NEO1: variants seen among roughly 807,000 people sequenced by gnomAD.
NEO1 encodes neogenin 1.
NEO1 carries 63 observed loss-of-function variants against 159.7 expected under a neutral mutation model. That is an observed-to-expected ratio of 0.39 (90% CI 0.32 to 0.49). The LOEUF is 0.49. Among genes scored for constraint, NEO1 ranks in the 20% least tolerant of loss-of-function variants. The pLI is 0.85. For missense variants in NEO1, 1,615 were observed against 1,831.0 expected (o/e 0.88, Z 2.15); for synonymous variants, 633 against 662.0 (o/e 0.96, Z 0.67).
At chr15:73,215,761 T>C (rs2037842470) in intron 7 of NEO1, among the ~76,000 whole-genome samples, 1 of 152,168 alleles carries the variant, frequency 6.6e-6, no homozygotes, top group Admixed American at 6.5e-5. Flanking sequence ...GTTATGTCCT[T>C]TCCTGGCTTT....
chr15:73,080,508 T>G (rs1021606371), intron 1 of NEO1, among the ~76,000 whole-genome samples: 4 of 146,978 alleles, frequency 2.7e-5, no homozygotes, highest in Non-Finnish European at 4.6e-5. Flanking sequence ...ATTTGCAAAA[T>G]TGAAAAATTT....
intron 9 of NEO1, 60 bp from the exon 10 acceptor site, chr15:73,249,000 T>C: frequency 1.9e-6 from 3 of 1,542,700 alleles, no homozygotes; most frequent in Non-Finnish European, 2.7e-6. Context: ...TTGCCAAGAA[T>C]GGTTATTGAG....
chr15:73,182,573 A>T (rs1346249306), intron 7 of NEO1, among the ~76,000 whole-genome samples: 1 of 152,154 alleles, frequency 6.6e-6, no homozygotes, highest in African/African-American at 2.4e-5. Flanking sequence ...TCACAGTTCC[A>T]CATGGCTGGG....
intron 2 of NEO1, among the ~76,000 whole-genome samples, chr15:73,119,704 A>C (rs1326970576): frequency 1.3e-5 from 2 of 152,258 alleles, no homozygotes; most frequent in African/African-American, 4.8e-5. Flanking sequence ...GTCAGTTACT[A>C]GTCCTCCATC....
chr15:73,224,725 A>T (rs1013943093), intron 7 of NEO1, among the ~76,000 whole-genome samples: 3 of 151,284 alleles, frequency 2.0e-5, no homozygotes, highest in African/African-American at 7.3e-5. Context: ...CATTTTTTGG[A>T]TTTCCTTGCA....
At chr15:73,159,621 A>G (rs937719224) in intron 5 of NEO1, among the ~76,000 whole-genome samples, 2 of 152,154 alleles carry the variant, frequency 1.3e-5, no homozygotes, top group African/African-American at 2.4e-5. Context: ...CCACTCCATC[A>G]TGACCTGGCA....
intron 1 of NEO1, among the ~76,000 whole-genome samples, chr15:73,069,414 C>CTTT (rs1173712054): frequency 6.9e-6 from 1 of 144,278 alleles, no homozygotes; most frequent in Non-Finnish European, 1.5e-5. Flanking sequence ...GGCCAAGAGA[C>CTTT]TTTTTTTTTT....
intron 1 of NEO1, among the ~76,000 whole-genome samples, chr15:73,074,151 G>A (rs141762116): frequency 3.1e-4 from 47 of 152,316 alleles, no homozygotes; most frequent in African/African-American, 1.1e-3. Context: ...GAGGACTCAA[G>A]TCATGTCTAA....
intron 12 of NEO1, 21 bp from the exon 13 acceptor site, chr15:73,254,661 C>G (rs746882464): frequency 2.5e-6 from 4 of 1,569,904 alleles, no homozygotes; most frequent in Non-Finnish European, 3.4e-6. Flanking sequence ...AGCCTTTTTT[C>G]TATAATTCTG....
At chr15:73,134,547 T>C (rs1476842641) in intron 4 of NEO1, among the ~76,000 whole-genome samples, 3 of 151,988 alleles carry the variant, frequency 2.0e-5, no homozygotes, top group Non-Finnish European at 2.9e-5. Flanking sequence ...TTTAATCCTA[T>C]AAGGAATTCT....
intron 9 of NEO1, among the ~76,000 whole-genome samples, chr15:73,246,787 C>T (rs1452746933): frequency 6.6e-6 from 1 of 152,208 alleles, no homozygotes; most frequent in Non-Finnish European, 1.5e-5. Flanking sequence ...TGGAAAGGAT[C>T]TGTAGTTTTC....
intron 7 of NEO1, among the ~76,000 whole-genome samples, chr15:73,213,578 G>A (rs190861652): frequency 2.0e-4 from 31 of 152,210 alleles, no homozygotes; most frequent in Admixed American, 6.5e-4. Context: ...TCTCATCCAG[G>A]TCACTGCAAA....
chr15:73,128,622 A>G (rs961247746), intron 4 of NEO1, among the ~76,000 whole-genome samples: 2 of 152,278 alleles, frequency 1.3e-5, no homozygotes, highest in Middle Eastern at 3.4e-3. Context: ...GAGTCAGATA[A>G]TAAGTAAAAA....
chr15:73,215,183 T>G (rs2037803572), intron 7 of NEO1, among the ~76,000 whole-genome samples: 1 of 152,024 alleles, frequency 6.6e-6, no homozygotes, highest in African/African-American at 2.4e-5. Context: ...TCTGGAGGAG[T>G]CTTTAGGGTT....
chr15:73,174,605 G>GC (rs2035174320), intron 5 of NEO1, among the ~76,000 whole-genome samples: 1 of 152,062 alleles, frequency 6.6e-6, no homozygotes, highest in African/African-American at 2.4e-5. Context: ...TGAAAATTAA[G>GC]CCCATCACTC....
At chr15:73,192,298 G>A (rs985783649) in intron 7 of NEO1, among the ~76,000 whole-genome samples, 1 of 151,986 alleles carries the variant, frequency 6.6e-6, no homozygotes, top group African/African-American at 2.4e-5. Context: ...TTGCAGAAGT[G>A]AAATCATATT....
At chr15:73,204,211 G>T (rs1212673669) in intron 7 of NEO1, among the ~76,000 whole-genome samples, 1 of 151,872 alleles carries the variant, frequency 6.6e-6, no homozygotes, top group Non-Finnish European at 1.5e-5. Context: ...TCCTCTGGAG[G>T]TAGGGTGGTT....
At chr15:73,240,375 G>A (rs1036247684) in intron 8 of NEO1, among the ~76,000 whole-genome samples, 1 of 152,210 alleles carries the variant, frequency 6.6e-6, no homozygotes, top group Non-Finnish European at 1.5e-5. Flanking sequence ...CATGACTAGT[G>A]TATGTAAAGG....
rs951503853 is a variant in NEO1, at chr15:73,273,837, G to T, written c.2992G>T (p.Val998Leu). The change falls in exon 20 of 29, where the codon GTG becomes TTG. Residue 998 changes from valine (V) to leucine (L), a missense_variant. Val to Leu is a conservative substitution (Grantham distance 32, BLOSUM62 1). Coordinates refer to ENST00000261908, the MANE Select transcript of NEO1 (RefSeq NM_002499.4). ...TTACATCATATATTACAGTACAGAT[G>T]TGAATGCAGAGATACATGACTGGGT... ...TGYIIYYSTD[V>L]NAEIHDWVIE... The T allele has an allele frequency of 6.2e-6, 10 of 1,614,032 alleles. No homozygotes were observed. Among genetic ancestry groups the T allele is most frequent in the Non-Finnish European group, 8.5e-6 (10 of 1,179,934 alleles).
Sources: gnomAD v4.1 joint callset for allele counts (sites outside exome capture counted in the v4.1 genomes callset) on GRCh38, gnomAD v4.1.1 for gene constraint, MANE v1.5 for transcripts, NCBI Gene and HGNC (gene_info 2026-07-23, HGNC 2026-07-21) for gene names.